The following BRWD1 variants were observed in gnomAD, a reference collection of about 807,000 sequenced individuals.
BRWD1 encodes the protein bromodomain and WD repeat domain containing 1.
Under a neutral mutation model 251.2 loss-of-function variants are expected in BRWD1, and 82 were observed. That is an observed-to-expected ratio of 0.33 (90% CI 0.27 to 0.39). BRWD1 has a LOEUF of 0.39. BRWD1 is among the 10% of genes least tolerant of loss of function. BRWD1 has a pLI of 1.00. For missense variants in BRWD1, 2,233 were observed against 2,711.6 expected (o/e 0.82, Z 3.92); for synonymous variants, 918 against 902.8 (o/e 1.02, Z -0.30).
chr21:39,270,275 T>C lies in BRWD1; in HGVS notation c.1395+8A>G. On this transcript the variant is annotated splice_region_variant and intron_variant, in intron 14 of 40. Coordinates refer to ENST00000342449, the MANE Select transcript of BRWD1 (RefSeq NM_033656.4). ...CTCATTTGTTACACTGTACCAGAAA[T>C]TACCTACCATTAAGTTATGAAGCAG... is the stretch of plus-strand genomic sequence containing the variant. The C allele has an allele frequency of 1.9e-6, 3 of 1,552,792 alleles. No homozygotes were observed. The highest frequency in any genetic ancestry group is 1.7e-6 in the Non-Finnish European group (2 of 1,152,590).
chr21:39,264,625 A>T lies in BRWD1; in HGVS notation c.1720T>A (p.Tyr574Asn). ...YRPLIRDSNN[Y>N]VLDEQTQQAP... ...TGCTGAGTTTGCTCATCTAAGACAT[A>T]ATTATTAGAATCTCTAATAAGTGGT... is the stretch of plus-strand genomic sequence containing the variant. Residue 574 changes from tyrosine to asparagine, a missense_variant, in exon 17 of 41, where the codon TAT becomes AAT. By Grantham distance (143) the Tyr-to-Asn change is moderately radical. Transcript: ENST00000342449. The T allele has an allele frequency of 6.2e-7, 1 of 1,613,160 alleles. No individual in the cohort carries two copies. Among genetic ancestry groups the T allele is most frequent in the Non-Finnish European group, 8.5e-7 (1 of 1,179,680 alleles).
rs74663207 is a variant in BRWD1 at position 39,283,146 on chromosome 21, A to G, written c.832-2898T>C. The stretch of plus-strand genomic sequence containing the variant: ...TATAACAGCTCTAAAACATTTTTAT[A>G]TCTCCAGCATGGCTAAACAATTCTT... On this transcript the variant is annotated intron_variant, in intron 8 of 40. Coordinates refer to ENST00000342449, the MANE Select transcript of BRWD1 (RefSeq NM_033656.4). Among the ~76,000 whole-genome samples the G allele has an allele frequency of 9.7e-4, 147 of 152,302 alleles. 1 individual carries two copies. The East Asian group carries it at 0.028, about 29-fold the overall frequency.
chr21:39,316,160 T>C (rs1007475723), upstream of BRWD1, among the ~76,000 whole-genome samples: 4 of 152,002 alleles, frequency 2.6e-5, no homozygotes, highest in Non-Finnish European at 5.9e-5. Context: ...ACCCCTGAAA[T>C]AGAAAAGAAA....
At chr21:39,244,764 A>C (rs1229832347) in intron 21 of BRWD1, among the ~76,000 whole-genome samples, 5 of 151,920 alleles carry the variant, frequency 3.3e-5, no homozygotes, top group African/African-American at 1.2e-4. Context: ...GTTGGAACAG[A>C]GCTGCATGGT....
chr21:39,314,684 T>A (rs2036659375), upstream of BRWD1: 1 of 259,710 alleles, frequency 3.9e-6, no homozygotes, highest in Non-Finnish European at 7.7e-6. Context: ...TGTCCCTGCC[T>A]TCCTGGAATG....
intron 40 of BRWD1, 80 bp downstream of exon 40, chr21:39,198,683 C>CG: frequency 7.7e-7 from 1 of 1,296,648 alleles, no homozygotes; most frequent in Non-Finnish European, 1.0e-6. Flanking sequence ...GAAACTTTTT[C>CG]GGGGGGAAAA....
intron 7 of BRWD1, 140 bp from the exon 8 acceptor site, chr21:39,294,172 G>A: frequency 1.4e-6 from 1 of 706,246 alleles, no homozygotes; most frequent in Non-Finnish European, 2.3e-6. Context: ...AATAAATTAT[G>A]ACTATGGTCA....
intron 4 of BRWD1, among the ~76,000 whole-genome samples, chr21:39,308,217 C>G (rs1403651057): frequency 6.6e-6 from 1 of 152,188 alleles, no homozygotes; most frequent in Non-Finnish European, 1.5e-5. Context: ...CAAGGTGACT[C>G]ATGCCTGTAA....
chr21:39,276,429 C>T (rs1387300299), intron 11 of BRWD1, among the ~76,000 whole-genome samples: 2 of 152,082 alleles, frequency 1.3e-5, no homozygotes, highest in African/African-American at 4.8e-5. Flanking sequence ...CAAAGAAAGG[C>T]ACATCTAACA....
chr21:39,290,085 G>T (rs1025220457), intron 8 of BRWD1, among the ~76,000 whole-genome samples: 1 of 150,834 alleles, frequency 6.6e-6, no homozygotes, highest in African/African-American at 2.4e-5. Flanking sequence ...TTTTTCCCTA[G>T]GGCTGCAATG....
In BRWD1 at chr21:39,192,061, T is replaced by C. The variant is rs2031581131; in HGVS notation, c.*4198A>G. 1 of 985,018 alleles carries C rather than the reference T, an allele frequency of 1.0e-6. No homozygotes were observed. Among genetic ancestry groups the C allele is most frequent in the Non-Finnish European group, 1.2e-6 (1 of 829,740 alleles). The allele number at this position is 985,018 out of a possible 1,614,324, so 61.0% of individuals were successfully genotyped here. On this transcript the variant is annotated 3_prime_UTR_variant, in exon 41 of 41. Coordinates refer to ENST00000342449, the MANE Select transcript of BRWD1 (RefSeq NM_033656.4). ...CCATCAAATCTAGAAAAGCAATTCT[T>C]GAGCAGACACCAATTTAAAGATATT...
At chr21:39,311,425 G>C (rs954097323) in intron 4 of BRWD1, among the ~76,000 whole-genome samples, 2 of 152,128 alleles carry the variant, frequency 1.3e-5, no homozygotes, top group Admixed American at 6.6e-5. Context: ...AATGTGCTGA[G>C]ATTGCAGCCA....
chr21:39,212,682 G>T lies in BRWD1; in HGVS notation c.3884C>A (p.Ser1295Tyr). 6.3e-7 allele frequency: 1 copy of T among 1,578,522 alleles called. No individual in the cohort carries two copies. Among genetic ancestry groups the T allele is most frequent in the Non-Finnish European group, 8.7e-7 (1 of 1,151,254 alleles). The change falls in exon 34 of 41, where the codon TCT becomes TAT. Residue 1295 changes from serine (S) to tyrosine (Y), a missense_variant. By Grantham distance (144) the Ser-to-Tyr change is moderately radical. Coordinates refer to ENST00000342449, the MANE Select transcript of BRWD1 (RefSeq NM_033656.4). ...GTAACTTACTCTCCTCCTTCCAGAA[G>T]ATGTTTTAGGAAGATCACTATCATC... ...DLDDSDLPKTSSGRRRVHDGK... is the reference protein window; with the variant it reads ...DLDDSDLPKTYSGRRRVHDGK...
At position 39,195,318 on chromosome 21, in the gene BRWD1, A is replaced by C; in HGVS notation, c.*941T>G. On this transcript the variant is annotated 3_prime_UTR_variant, in exon 41 of 41. Transcript: ENST00000342449. ...ATTGGAATACAGATGGGGGAAACCT[A>C]CATATTAACTTAAATACTCTTTTAG... 4.0e-6 allele frequency: 4 copies of C among 1,000,216 alleles called. No homozygotes were observed. The highest frequency in any genetic ancestry group is 3.6e-6 in the Non-Finnish European group (3 of 839,508). 62.0% of individuals were successfully genotyped at this position (1,000,216 alleles called of 1,614,324 possible).
chr21:39,309,288 G>A (rs1414163665), intron 4 of BRWD1, among the ~76,000 whole-genome samples: 4 of 147,238 alleles, frequency 2.7e-5, no homozygotes, highest in Admixed American at 6.8e-5. Context: ...TTCTCTAGGG[G>A]AAAAAAAAAA....
At chr21:39,271,117 A>C (rs1038631471) in intron 13 of BRWD1, among the ~76,000 whole-genome samples, 1 of 151,470 alleles carries the variant, frequency 6.6e-6, no homozygotes, top group Non-Finnish European at 1.5e-5. Flanking sequence ...ACATGGTGAA[A>C]CCCCGTCTCT....
intron 21 of BRWD1, among the ~76,000 whole-genome samples, chr21:39,245,034 C>T (rs192627219): frequency 2.1e-3 from 312 of 149,112 alleles, no homozygotes; most frequent in Middle Eastern, 3.5e-3. Flanking sequence ...GGGGACAGAG[C>T]AAGACCCCAT....
rs115441002 is a variant in BRWD1, at chr21:39,307,240, C to T, written c.198+5601G>A. ...GGGCATTTTTCACTACACTTAGAAG[C>T]GTACAGTTATTTTAATCACCTCAGC... On this transcript the variant is annotated intron_variant, in intron 4 of 40. Transcript: ENST00000342449. Among the ~76,000 whole-genome samples, 393 of 152,264 alleles carry T rather than the reference C, an allele frequency of 2.6e-3. 2 individuals carry two copies. Among genetic ancestry groups the T allele is most frequent in the African/African-American group, 8.3e-3 (343 of 41,552 alleles).
Position 39,232,509 on chromosome 21 carries a change from G to T in BRWD1, c.2767-11C>A, listed in dbSNP as rs773291893. ...CATCCTCCGCAAATTCTACCAAGGG[G>T]AAGAGAACAAAGTTTCTTAGATTAG... On this transcript the variant is annotated splice_polypyrimidine_tract_variant and intron_variant, in intron 23 of 40. Transcript: ENST00000342449. 1 of 1,581,840 alleles carries T rather than the reference G, an allele frequency of 6.3e-7. No individual in the cohort carries two copies. Among genetic ancestry groups the T allele is most frequent in the South Asian group, 1.2e-5 (1 of 83,720 alleles).
Sources: allele counts gnomAD v4.1 joint callset (sites outside exome capture counted in the v4.1 genomes callset), GRCh38; gene constraint gnomAD v4.1.1; transcripts MANE v1.5; gene names NCBI Gene and HGNC (gene_info 2026-07-23, HGNC 2026-07-21).